The following KIAA1549L variants were observed in gnomAD, a reference collection of about 807,000 sequenced individuals.
The protein encoded by KIAA1549L is UPF0606 protein KIAA1549L.
A neutral mutation model predicts 160.7 loss-of-function variants in KIAA1549L; 88 were observed. The ratio of observed to expected loss-of-function variants is 0.55; its 90% CI spans 0.46 to 0.65. KIAA1549L has a LOEUF of 0.65. Ranked by LOEUF, KIAA1549L falls within the 30% of genes least tolerant of loss-of-function variation. KIAA1549L has a pLI of 0.00. For missense variants in KIAA1549L, 2,258 were observed against 2,437.5 expected (o/e 0.93, Z 1.55); for synonymous variants, 950 against 976.7 (o/e 0.97, Z 0.51).
intron 1 of KIAA1549L, among the ~76,000 whole-genome samples, chr11:33,493,657 A>T (rs1852749328): frequency 6.6e-6 from 1 of 152,196 alleles, no homozygotes; most frequent in Non-Finnish European, 1.5e-5. Context: ...GAGAATTGTC[A>T]TTTTAGTTGT....
chr11:33,645,773 T>G lies in KIAA1549L; in HGVS notation c.5497T>G (p.Ser1833Ala). The G allele has an allele frequency of 6.2e-7, 1 of 1,613,834 alleles. No homozygotes were observed. The highest frequency in any genetic ancestry group is 8.5e-7 in the Non-Finnish European group (1 of 1,179,838). The change falls in exon 17 of 21, where the codon TCG (serine) becomes GCG (alanine). Residue 1833 changes from serine (S) to alanine (A), a missense_variant. Transcript: ENST00000658780. ...CAGGTCTCGACAGGTGAAAGGCCACTCGGAGACCTCCACACTGAGCTCCCA... is the reference window on the plus strand; with the variant it reads ...CAGGTCTCGACAGGTGAAAGGCCACGCGGAGACCTCCACACTGAGCTCCCA... ...YSRSRQVKGH[S>A]ETSTLSSQPS...
rs56839961 is a variant in KIAA1549L at position 33,447,623 on chromosome 11, GCACA to G, written c.238+70755_238+70758del. 8.5e-4 allele frequency among the ~76,000 whole-genome samples: 125 copies of G among 147,354 alleles called. 1 individual carries two copies. The highest frequency in any genetic ancestry group is 1.4e-3 in the Non-Finnish European group (94 of 66,864). On this transcript the variant is annotated intron_variant, in intron 1 of 20. Transcript: ENST00000658780. Reference sequence around the variant, plus strand: ...TCATTGTATACATGCACATGAACTTGCACACACACACACACACACACACAAAATT... The same window carrying G: ...TCATTGTATACATGCACATGAACTTGCACACACACACACACACACAAAATT...
intron 4 of KIAA1549L, 77 bp from the exon 5 acceptor site, chr11:33,550,963 G>A: frequency 8.5e-7 from 1 of 1,183,264 alleles, no homozygotes; most frequent in Non-Finnish European, 1.3e-6. Context: ...AACAGCCGTG[G>A]TTCTAAGAAA....
At chr11:33,608,992 GA>G (rs1850578612) in intron 14 of KIAA1549L, among the ~76,000 whole-genome samples, 1 of 151,992 alleles carries the variant, frequency 6.6e-6, no homozygotes, top group Non-Finnish European at 1.5e-5. Flanking sequence ...AATAAAAACA[GA>G]AAGTTCGGAA....
At chr11:33,405,313 C>T (rs1850622033) in intron 1 of KIAA1549L, among the ~76,000 whole-genome samples, 1 of 151,672 alleles carries the variant, frequency 6.6e-6, no homozygotes, top group Non-Finnish European at 1.5e-5. Flanking sequence ...AACAGAAAAC[C>T]AAATTAGGTT....
chr11:33,398,859 A>G (rs943942778), intron 1 of KIAA1549L, among the ~76,000 whole-genome samples: 1 of 152,070 alleles, frequency 6.6e-6, no homozygotes, highest in Admixed American at 6.6e-5. Flanking sequence ...TGTGTTTCGT[A>G]TATAGTCTTA....
intron 1 of KIAA1549L, among the ~76,000 whole-genome samples, chr11:33,462,685 G>A (rs1851963894): frequency 6.6e-6 from 1 of 152,076 alleles, no homozygotes; most frequent in African/African-American, 2.4e-5. Flanking sequence ...GTGACTTTCA[G>A]CAAATTTCTT....
chr11:33,397,885 G>A (rs1850418396), intron 1 of KIAA1549L, among the ~76,000 whole-genome samples: 1 of 146,724 alleles, frequency 6.8e-6, no homozygotes, highest in South Asian at 2.2e-4. Flanking sequence ...AAATCAGGTT[G>A]GAACACTGAA....
At chr11:33,562,901 G>A (rs11032295) in intron 8 of KIAA1549L, among the ~76,000 whole-genome samples, 45,115 of 151,464 alleles carry the variant, frequency 0.3, 7,477 homozygotes, top group African/African-American at 0.44. Context: ...GGCTGGTCTC[G>A]AACTCCTGAC....
In KIAA1549L at chr11:33,574,862, T is replaced by C; in HGVS notation, c.4391T>C (p.Leu1464Pro). Residue 1464 changes from leucine to proline, a missense_variant, in exon 10 of 21, where the codon CTG (leucine) becomes CCG (proline). This residue lies in a region of KIAA1549L where 1,359 missense variants were observed against 1,546.6 expected (regional missense o/e 0.88). Coordinates refer to ENST00000658780, the MANE Select transcript of KIAA1549L (RefSeq NM_012194.3). ...MALTLHHVVL[L>P]QADPVVKNPP... ...TTGACCCTTCATCACGTTGTCCTTCTGCAAGCTGACCGTAAGGGAATGGTC... is the reference window on the plus strand; with the variant it reads ...TTGACCCTTCATCACGTTGTCCTTCCGCAAGCTGACCGTAAGGGAATGGTC... The C allele has an allele frequency of 1.2e-6, 2 of 1,613,460 alleles. No individual in the cohort carries two copies. Among genetic ancestry groups the C allele is most frequent in the Non-Finnish European group, 1.7e-6 (2 of 1,179,556 alleles).
chr11:33,633,293 C>T (rs1242379705), intron 16 of KIAA1549L, among the ~76,000 whole-genome samples: 14 of 151,876 alleles, frequency 9.2e-5, no homozygotes, highest in South Asian at 8.3e-4. Flanking sequence ...TGAGTCACTG[C>T]GCCCAGCCCT....
chr11:33,602,154 G>A (rs547544567), intron 13 of KIAA1549L, among the ~76,000 whole-genome samples: 4 of 152,294 alleles, frequency 2.6e-5, no homozygotes, highest in Admixed American at 6.5e-5. Context: ...TTATGTCACT[G>A]AGAGAATTCA....
chr11:33,463,257 T>G (rs1025015967), intron 1 of KIAA1549L, among the ~76,000 whole-genome samples: 1 of 152,208 alleles, frequency 6.6e-6, no homozygotes, highest in African/African-American at 2.4e-5. Context: ...TGCCTTCTTT[T>G]TTCACACTCA....
chr11:33,535,894 C>T (rs1178927329), intron 1 of KIAA1549L, among the ~76,000 whole-genome samples: 1 of 152,176 alleles, frequency 6.6e-6, no homozygotes, highest in Non-Finnish European at 1.5e-5. Context: ...TTTTCTCCTT[C>T]TCCCTAATAA....
Position 33,551,261 on chromosome 11 carries a change from C to G in KIAA1549L, c.3721+2C>G, listed in dbSNP as rs1297279124. 1.2e-6 allele frequency: 2 copies of G among 1,611,238 alleles called. No individual in the cohort carries two copies. The highest frequency in any genetic ancestry group is 1.7e-6 in the Non-Finnish European group (2 of 1,178,812). ...CAGGCTACTTCCAGCTAAAAACAGG[C>G]AAGTGACTCGGAAGGAAGGGATTTT... is the stretch of plus-strand genomic sequence containing the variant. On this transcript the variant is annotated splice_donor_variant, in intron 5 of 20. Coordinates refer to ENST00000658780, the MANE Select transcript of KIAA1549L (RefSeq NM_012194.3). LOFTEE classifies it high-confidence loss of function.
intron 16 of KIAA1549L, among the ~76,000 whole-genome samples, chr11:33,634,245 G>T (rs997617101): frequency 1.3e-5 from 2 of 151,800 alleles, no homozygotes; most frequent in African/African-American, 2.4e-5. Flanking sequence ...GTTTCACCAG[G>T]TTGGGCAGGC....
chr11:33,552,360 T>A, intron 6 of KIAA1549L, 119 bp downstream of exon 6: 2 of 1,110,686 alleles, frequency 1.8e-6, no homozygotes, highest in South Asian at 3.1e-5. Flanking sequence ...ACTTTGTACT[T>A]CAGACATTGG....
intron 15 of KIAA1549L, 94 bp downstream of exon 15, chr11:33,610,060 T>A (rs529771111): frequency 1.1e-6 from 1 of 889,786 alleles, no homozygotes; most frequent in East Asian, 2.5e-5. Flanking sequence ...TATCTGGTAC[T>A]GTAGGATTGT....
At chr11:33,631,445 A>G (rs1021635996) in intron 16 of KIAA1549L, among the ~76,000 whole-genome samples, 6 of 152,122 alleles carry the variant, frequency 3.9e-5, no homozygotes, top group Non-Finnish European at 7.4e-5. Flanking sequence ...CTCGCTGTTA[A>G]CACTTAGGGC....
Sources: gnomAD v4.1 joint callset for allele counts (sites outside exome capture counted in the v4.1 genomes callset) on GRCh38, gnomAD v4.1.1 for gene constraint, gnomAD v4.1.1 regional missense constraint, MANE v1.5 for transcripts, NCBI Gene and HGNC (gene_info 2026-07-23, HGNC 2026-07-21) for gene names.